RIMS1: variants seen among roughly 807,000 people sequenced by gnomAD.
The protein encoded by RIMS1 is regulating synaptic membrane exocytosis protein 1.
Under a neutral mutation model 214.1 loss-of-function variants are expected in RIMS1, and 83 were observed. The ratio of observed to expected loss-of-function variants is 0.39; its 90% CI spans 0.32 to 0.47. The LOEUF is 0.47. Among genes scored for constraint, RIMS1 ranks in the 20% least tolerant of loss-of-function variants. The pLI, the probability that RIMS1 is intolerant of heterozygous loss-of-function variation, is 0.99. For missense variants in RIMS1, 2,050 were observed against 2,161.8 expected, an observed-to-expected ratio of 0.95 and a Z score of 1.03; for synonymous variants, 793 against 786.8, an observed-to-expected ratio of 1.01 and a Z score of -0.13.
At chr6:71,964,598 A>G (rs1457723812) in intron 1 of RIMS1, among the ~76,000 whole-genome samples, 1 of 152,184 alleles carries the variant, frequency 6.6e-6, no homozygotes, top group Non-Finnish European at 1.5e-5. Context: ...CAAGGAGTCA[A>G]GTCTAAAGAT....
chr6:72,035,252 T>C (rs1819303365), intron 2 of RIMS1, among the ~76,000 whole-genome samples: 1 of 152,208 alleles, frequency 6.6e-6, no homozygotes, highest in African/African-American at 2.4e-5. Flanking sequence ...TATTACCTTG[T>C]TATTCTTCAT....
intron 26 of RIMS1, among the ~76,000 whole-genome samples, chr6:72,296,592 C>T (rs542815199): frequency 8.6e-5 from 13 of 151,956 alleles, no homozygotes; most frequent in African/African-American, 2.9e-4. Context: ...CATATGCTGC[C>T]CACACCATTT....
Position 72,183,011 on chromosome 6 carries a change from C to G in RIMS1, c.1540C>G (p.Pro514Ala). Residue 514 changes from proline (P) to alanine (A), a missense_variant, in exon 6 of 34, where the codon CCC (proline) becomes GCC (alanine). Coordinates refer to ENST00000521978, the MANE Select transcript of RIMS1 (RefSeq NM_014989.7). ...GTCCGAGTCGGTGCGGCCGTCCCCG[C>G]CCAAGCCGCACCGGTCCAAGAGAGG... ...DQSESVRPSP[P>A]KPHRSKRGGK... The G allele has an allele frequency of 6.3e-7, 1 of 1,598,510 alleles. No individual in the cohort carries two copies. The highest frequency in any genetic ancestry group is 1.1e-5 in the South Asian group (1 of 88,260).
At position 72,057,498 on chromosome 6, in the gene RIMS1, CTT is replaced by C. The variant is rs56115719; in HGVS notation, c.246-39433_246-39432del. 8.8e-4 allele frequency among the ~76,000 whole-genome samples: 111 copies of C among 126,196 alleles called. 1 individual carries two copies. Among genetic ancestry groups the C allele is most frequent in the East Asian group, 7.5e-3 (32 of 4,256 alleles). The allele number at this position is 126,196 out of a possible 152,430, so 82.8% of individuals were successfully genotyped here. On this transcript the variant is annotated intron_variant, in intron 2 of 33. Coordinates refer to ENST00000521978, the MANE Select transcript of RIMS1 (RefSeq NM_014989.7). ...GTCCAAATCAGTACACCTTCTTTTT[CTT>C]TTTTTTTTTTTTTTTTTCTTTTTTT...
At chr6:72,143,949 G>A (rs2042387734) in intron 4 of RIMS1, among the ~76,000 whole-genome samples, 1 of 152,154 alleles carries the variant, frequency 6.6e-6, no homozygotes, top group African/African-American at 2.4e-5. Context: ...AAAGGACAGG[G>A]AAAAGTAAAG....
At chr6:72,256,123 A>AT (rs931558758) in intron 16 of RIMS1, among the ~76,000 whole-genome samples, 5 of 152,044 alleles carry the variant, frequency 3.3e-5, no homozygotes, top group Non-Finnish European at 5.9e-5. Flanking sequence ...AGAAAATCAA[A>AT]TTTTTTGTAA....
At chr6:72,079,388 T>C (rs1035694570) in intron 2 of RIMS1, among the ~76,000 whole-genome samples, 1 of 152,178 alleles carries the variant, frequency 6.6e-6, no homozygotes, top group African/African-American at 2.4e-5. Context: ...GGTGGATACT[T>C]CATTCATGAT....
At chr6:71,965,748 C>G (rs1028561332) in intron 1 of RIMS1, among the ~76,000 whole-genome samples, 1 of 152,188 alleles carries the variant, frequency 6.6e-6, no homozygotes, top group African/African-American at 2.4e-5. Flanking sequence ...TCTGATAAAT[C>G]TGAGTAATTA....
Position 72,118,926 on chromosome 6 carries a change from C to T in RIMS1, c.471+18940C>T, listed in dbSNP as rs550671013. On this transcript the variant is annotated intron_variant, in intron 4 of 33. Transcript: ENST00000521978. ...TGAGAACTGAAACAAGACAAGGATA[C>T]CCACTTTCACCACTTCCATTCAGCA... is the stretch of plus-strand genomic sequence containing the variant. 9.9e-5 allele frequency among the ~76,000 whole-genome samples: 15 copies of T among 151,740 alleles called. 1 individual carries two copies. The highest frequency in any genetic ancestry group is 2.1e-4 in the Non-Finnish European group (14 of 67,748).
chr6:71,911,440 A>G (rs1224855471), intron 1 of RIMS1, among the ~76,000 whole-genome samples: 1 of 152,142 alleles, frequency 6.6e-6, no homozygotes, highest in Non-Finnish European at 1.5e-5. Context: ...TCTCATGCAT[A>G]TGGTTAAATT....
At chr6:72,081,597 A>G (rs1300586165) in intron 2 of RIMS1, among the ~76,000 whole-genome samples, 2 of 152,052 alleles carry the variant, frequency 1.3e-5, no homozygotes, top group Non-Finnish European at 2.9e-5. Flanking sequence ...AGTTTTAAAA[A>G]TAGACTTGAT....
intron 2 of RIMS1, among the ~76,000 whole-genome samples, chr6:71,987,353 T>C (rs1800315709): frequency 6.6e-6 from 1 of 152,198 alleles, no homozygotes; most frequent in Non-Finnish European, 1.5e-5. Context: ...AGGACCCTCT[T>C]CTTGGTTTAC....
At chr6:72,285,447 A>G in intron 24 of RIMS1, among the ~76,000 whole-genome samples, 2 of 152,246 alleles carry the variant, frequency 1.3e-5, no homozygotes, top group East Asian at 3.8e-4. Context: ...AGAGGATGTT[A>G]ACACTGAGTT....
At position 72,284,061 on chromosome 6, in the gene RIMS1, C is replaced by A. The variant is rs988782938; in HGVS notation, c.3497C>A (p.Ser1166Tyr). 1 of 1,612,864 alleles carries A rather than the reference C, an allele frequency of 6.2e-7. No individual in the cohort carries two copies. The highest frequency in any genetic ancestry group is 1.1e-5 in the South Asian group (1 of 91,040). ...SPENDRHSRK[S>Y]ERSSIQKQTR... The stretch of plus-strand genomic sequence containing the variant: ...TCATTCCACAGGCACTCCAGAAAGT[C>A]TGAAAGATCTAGCATCCAAAAACAG... Residue 1166 changes from serine (S) to tyrosine (Y), a missense_variant, in exon 24 of 34, where the codon TCT becomes TAT. Ser to Tyr is a moderately radical substitution (Grantham distance 144). Around this residue, in one of 6 missense-constraint regions of RIMS1, gnomAD observed 889 missense variants for 885.5 expected, o/e 1.00. Transcript: ENST00000521978.
intron 1 of RIMS1, among the ~76,000 whole-genome samples, chr6:71,957,084 T>C (rs1791510457): frequency 6.6e-6 from 1 of 152,190 alleles, no homozygotes; most frequent in Non-Finnish European, 1.5e-5. Flanking sequence ...TGCATTTGTA[T>C]TGGACCTAGA....
intron 23 of RIMS1, among the ~76,000 whole-genome samples, chr6:72,282,633 C>G (rs1283545298): frequency 6.6e-6 from 1 of 152,062 alleles, no homozygotes; most frequent in South Asian, 2.1e-4. Context: ...GATTTTAATC[C>G]TAGCTTTGCC....
chr6:72,328,323 C>A (rs1450280991), intron 28 of RIMS1, among the ~76,000 whole-genome samples: 1 of 151,674 alleles, frequency 6.6e-6, no homozygotes, highest in Non-Finnish European at 1.5e-5. Flanking sequence ...GGAGGGATAG[C>A]ATTAGGAGAA....
intron 1 of RIMS1, among the ~76,000 whole-genome samples, chr6:71,910,461 A>G (rs1022387856): frequency 6.6e-6 from 1 of 152,044 alleles, no homozygotes; most frequent in Non-Finnish European, 1.5e-5. Context: ...TTGGTATACA[A>G]TGTCCCGTCC....
intron 1 of RIMS1, among the ~76,000 whole-genome samples, chr6:71,959,189 A>G (rs569489134): frequency 6.6e-6 from 1 of 152,166 alleles, no homozygotes; most frequent in Non-Finnish European, 1.5e-5. Flanking sequence ...ACACATTTTC[A>G]TATCTCATTG....
Sources: gnomAD v4.1 joint callset for allele counts (sites outside exome capture counted in the v4.1 genomes callset) on GRCh38, gnomAD v4.1.1 for gene constraint, gnomAD v4.1.1 regional missense constraint, MANE v1.5 for transcripts, NCBI Gene and HGNC (gene_info 2026-07-23, HGNC 2026-07-21) for gene names.